Variants in KCNIP1 observed in about 807,000 individuals in gnomAD.
The protein encoded by KCNIP1 is A-type potassium channel modulatory protein KCNIP1.
KCNIP1 carries 18 observed loss-of-function variants against 33.0 expected under a neutral mutation model. The ratio of observed to expected loss-of-function variants is 0.55; its 90% CI spans 0.38 to 0.81. KCNIP1 has a LOEUF of 0.81. Ranked by LOEUF, KCNIP1 falls within the 30% of genes least tolerant of loss-of-function variation. The pLI is 0.00. For synonymous variants in KCNIP1, 93 were observed against 98.3 expected, an observed-to-expected ratio of 0.95 and a Z score of 0.32; for missense variants, 238 against 271.6, an observed-to-expected ratio of 0.88 and a Z score of 0.87.
chr5:170,584,225 G>A lies in KCNIP1; in HGVS notation c.61+79592G>A, dbSNP rs542463616. 3.3e-5 allele frequency among the ~76,000 whole-genome samples: 5 copies of A among 152,318 alleles called. No individual in the cohort carries two copies. The East Asian group carries it at 5.8e-4, about 18-fold the overall frequency. On this transcript the variant is annotated intron_variant, in intron 1 of 7. Transcript: ENST00000328939. ...GGGCACTGGACCTGGGAGCAGCCACGGGAGCCATGCCATGATCCCCAGACT... is the reference window on the plus strand; with the variant it reads ...GGGCACTGGACCTGGGAGCAGCCACAGGAGCCATGCCATGATCCCCAGACT...
intron 1 of KCNIP1, among the ~76,000 whole-genome samples, chr5:170,579,699 A>G (rs1409547155): frequency 6.6e-6 from 1 of 152,212 alleles, no homozygotes; most frequent in Non-Finnish European, 1.5e-5. Flanking sequence ...GACTGCCCCA[A>G]GAGATTCGTT....
At chr5:170,660,471 G>T (rs542757668) in intron 1 of KCNIP1, among the ~76,000 whole-genome samples, 1 of 151,792 alleles carries the variant, frequency 6.6e-6, no homozygotes, top group African/African-American at 2.4e-5. Flanking sequence ...TATGGTTTCT[G>T]CCAGGAGACA....
intron 1 of KCNIP1, among the ~76,000 whole-genome samples, chr5:170,407,132 C>T (rs764735057): frequency 1.3e-5 from 2 of 152,192 alleles, no homozygotes; most frequent in Admixed American, 1.3e-4. Flanking sequence ...GCATGGTGGG[C>T]AGCAGCCCTT....
chr5:170,642,541 C>T (rs866916398), intron 1 of KCNIP1, among the ~76,000 whole-genome samples: 10 of 152,212 alleles, frequency 6.6e-5, no homozygotes, highest in Non-Finnish European at 1.3e-4. Flanking sequence ...GCTTTCGAAA[C>T]ATCGTCACCA....
exon 1 of KCNIP1, chr5:170,353,841 G>A (rs758981124): frequency 6.2e-7 from 1 of 1,602,738 alleles, no homozygotes; most frequent in African/African-American, 1.3e-5. Context: ...GTCCCTTCTG[G>A]GTGCTGACAG....
chr5:170,385,067 G>A (rs1279739421), intron 1 of KCNIP1, among the ~76,000 whole-genome samples: 2 of 152,142 alleles, frequency 1.3e-5, no homozygotes, highest in Non-Finnish European at 2.9e-5. Flanking sequence ...GGCATCATGT[G>A]TCTGTTACCA....
At chr5:170,385,765 G>A in intron 1 of KCNIP1, among the ~76,000 whole-genome samples, 2 of 151,934 alleles carry the variant, frequency 1.3e-5, no homozygotes, top group Non-Finnish European at 2.9e-5. Context: ...CTATGTTCTA[G>A]TCTCTGGAAG....
chr5:170,416,453 A>G (rs1755332119), intron 1 of KCNIP1, among the ~76,000 whole-genome samples: 1 of 151,866 alleles, frequency 6.6e-6, no homozygotes, highest in Non-Finnish European at 1.5e-5. Context: ...CACTGAAGAG[A>G]CTCGTCATTC....
At chr5:170,676,450 T>G (rs186768139) in intron 1 of KCNIP1, among the ~76,000 whole-genome samples, 1 of 152,206 alleles carries the variant, frequency 6.6e-6, no homozygotes, top group Non-Finnish European at 1.5e-5. Context: ...TGCTTTCTGA[T>G]AGAATCAGGA....
Position 170,510,249 on chromosome 5 carries a change from G to A in KCNIP1, c.61+5616G>A, listed in dbSNP as rs116558091. On this transcript the variant is annotated intron_variant, in intron 1 of 7. Coordinates refer to ENST00000328939, the MANE Select transcript of KCNIP1 (RefSeq NM_014592.4). ...ACTACAATTCTGAACACACTATGAG[G>A]TTGTCATTATGGGTTTACACATTTA... 4.9e-3 allele frequency among the ~76,000 whole-genome samples: 748 copies of A among 152,272 alleles called. 10 individuals carry two copies. The highest frequency in any genetic ancestry group is 0.017 in the African/African-American group (696 of 41,554).
At chr5:170,661,691 C>G (rs151069045) in intron 1 of KCNIP1, among the ~76,000 whole-genome samples, 1 of 152,276 alleles carries the variant, frequency 6.6e-6, no homozygotes, top group African/African-American at 2.4e-5. Flanking sequence ...CATATTATAC[C>G]CTTTTCATCG....
At chr5:170,580,361 A>G (rs979660397) in intron 1 of KCNIP1, among the ~76,000 whole-genome samples, 2 of 152,226 alleles carry the variant, frequency 1.3e-5, no homozygotes, top group African/African-American at 2.4e-5. Context: ...TACCCTGTAC[A>G]TGTCTTAGCC....
Position 170,504,026 on chromosome 5 carries a change from C to G in KCNIP1, c.-547C>G. The G allele has an allele frequency of 7.1e-6, 7 of 984,598 alleles. No homozygotes were observed. The highest frequency in any genetic ancestry group is 8.4e-6 in the Non-Finnish European group (7 of 829,370). The allele number at this position is 984,598 out of a possible 1,614,324, so 61.0% of individuals were successfully genotyped here. ...CCGCCCCCTCCGCCGCTCCGACTCT[C>G]GCCCCGAGCGCTGGCAGCAGGCAGC... is the stretch of plus-strand genomic sequence containing the variant. On this transcript the variant is annotated 5_prime_UTR_variant, in exon 1 of 8. Coordinates refer to ENST00000328939, the MANE Select transcript of KCNIP1 (RefSeq NM_014592.4). This position sits in a 1 kb window ranked among gnomAD's most constrained non-coding sequence, Gnocchi z 6.0.
intron 1 of KCNIP1, chr5:170,712,763 C>T (rs1264099279): frequency 8.3e-7 from 1 of 1,203,070 alleles, no homozygotes; most frequent in Non-Finnish European, 1.2e-6. Context: ...GACGTGGACA[C>T]CCTCAGAGCG....
chr5:170,461,062 C>CA (rs543639294), intron 1 of KCNIP1, among the ~76,000 whole-genome samples: 29 of 151,382 alleles, frequency 1.9e-4, no homozygotes, highest in African/African-American at 2.9e-4. Context: ...ACAATAGCTG[C>CA]AAAAAAAATA....
At chr5:170,399,992 T>C (rs763357160) in intron 1 of KCNIP1, among the ~76,000 whole-genome samples, 2 of 152,158 alleles carry the variant, frequency 1.3e-5, no homozygotes, top group Non-Finnish European at 2.9e-5. Context: ...TCTGATAAAA[T>C]ACACACCTCT....
intron 1 of KCNIP1, among the ~76,000 whole-genome samples, chr5:170,644,618 G>A (rs1433853354): frequency 6.6e-6 from 1 of 152,208 alleles, no homozygotes; most frequent in Non-Finnish European, 1.5e-5. Flanking sequence ...AAGGGAGGGA[G>A]AGAAGAACTC....
chr5:170,642,519 G>T (rs1305857210), intron 1 of KCNIP1, among the ~76,000 whole-genome samples: 2 of 152,198 alleles, frequency 1.3e-5, no homozygotes, highest in Non-Finnish European at 2.9e-5. Context: ...GCCTCCATCA[G>T]CCCCCAGTTC....
intron 5 of KCNIP1, among the ~76,000 whole-genome samples, chr5:170,726,054 C>T (rs1763994141): frequency 6.6e-6 from 1 of 152,004 alleles, no homozygotes; most frequent in Non-Finnish European, 1.5e-5. Flanking sequence ...AACATTCTTA[C>T]AACTTTGGAG....
Sources: gnomAD v4.1 joint callset for allele counts (sites outside exome capture counted in the v4.1 genomes callset) on GRCh38, gnomAD v4.1.1 for gene constraint, Gnocchi (gnomAD v3.1) non-coding constraint, MANE v1.5 for transcripts, NCBI Gene and HGNC (gene_info 2026-07-23, HGNC 2026-07-21) for gene names.